Variants in DTNA observed in about 807,000 individuals in gnomAD.
DTNA encodes dystrophin-related protein 3.
DTNA carries 43 observed loss-of-function variants against 100.7 expected under a neutral mutation model. The ratio of observed to expected loss-of-function variants is 0.43; its 90% confidence interval spans 0.33 to 0.55. DTNA has a LOEUF of 0.55. Ranked by LOEUF, DTNA falls within the 20% of genes least tolerant of loss-of-function variation. DTNA has a pLI of 0.04. For synonymous variants in DTNA, 349 were observed against 347.9 expected (o/e 1.00, Z -0.04); for missense variants, 798 against 953.9 (o/e 0.84, Z 2.15).
At chr18:34,877,010 T>C (rs1024820978) in intron 18 of DTNA, among the ~76,000 whole-genome samples, 17 of 152,218 alleles carry the variant, frequency 1.1e-4, no homozygotes, top group African/African-American at 4.1e-4. Flanking sequence ...TGAAATTCCA[T>C]TAACCCTTAG....
intron 1 of DTNA, among the ~76,000 whole-genome samples, chr18:34,611,447 C>A (rs562748254): frequency 6.6e-6 from 1 of 152,264 alleles, no homozygotes; most frequent in East Asian, 1.9e-4. Context: ...CATATGAACT[C>A]ATTTCTTTCT....
chr18:34,677,085 C>T (rs1304975940), intron 1 of DTNA, among the ~76,000 whole-genome samples: 2 of 152,162 alleles, frequency 1.3e-5, no homozygotes, highest in Non-Finnish European at 2.9e-5. Context: ...AGGGATGGAT[C>T]TGCCTCCAGA....
At chr18:34,661,399 A>C (rs2075165512) in intron 1 of DTNA, among the ~76,000 whole-genome samples, 1 of 152,146 alleles carries the variant, frequency 6.6e-6, no homozygotes, top group Non-Finnish European at 1.5e-5. Flanking sequence ...TTAGAGTACA[A>C]GTTTTTAGAT....
Position 34,794,785 on chromosome 18 carries a change from A to G in DTNA, c.362+535A>G, listed in dbSNP as rs190901892. Among the ~76,000 whole-genome samples, 348 of 152,318 alleles carry G rather than the reference A, an allele frequency of 2.3e-3. 2 individuals are homozygous for G. The highest frequency in any genetic ancestry group is 8.0e-3 in the African/African-American group (331 of 41,586). Reference sequence around the variant, plus strand: ...AAGGGGATGCTGTCCACAGACCACAACTGAAGCTCAGCTTCATTTTTGTAT... The same window carrying G: ...AAGGGGATGCTGTCCACAGACCACAGCTGAAGCTCAGCTTCATTTTTGTAT... On this transcript the variant is annotated intron_variant, in intron 4 of 22. Transcript: ENST00000444659.
chr18:34,867,458 A>C, intron 17 of DTNA: 1 of 1,222,766 alleles, frequency 8.2e-7, no homozygotes, highest in Non-Finnish European at 1.0e-6. Context: ...ATGAATGCAT[A>C]CATGGGGTAT....
chr18:34,564,882 C>T (rs2046952082), intron 1 of DTNA, among the ~76,000 whole-genome samples: 1 of 152,112 alleles, frequency 6.6e-6, no homozygotes, highest in Admixed American at 6.5e-5. Flanking sequence ...CTGCTGTAGA[C>T]TTAAGATAAA....
chr18:34,752,660 T>C (rs776105408), intron 1 of DTNA, among the ~76,000 whole-genome samples: 4 of 152,258 alleles, frequency 2.6e-5, no homozygotes, highest in Non-Finnish European at 5.9e-5. Context: ...TTTTCTCTTA[T>C]ATTTATAATT....
intron 1 of DTNA, among the ~76,000 whole-genome samples, chr18:34,515,877 CATTAAA>C (rs1377625876): frequency 2.6e-5 from 4 of 152,092 alleles, no homozygotes; most frequent in African/African-American, 9.7e-5. Flanking sequence ...GCTTGTGGAA[CATTAAA>C]ACTGAAAGAA....
At chr18:34,866,254 T>TA in intron 17 of DTNA, 2 of 1,589,988 alleles carry the variant, frequency 1.3e-6, no homozygotes, top group Non-Finnish European at 1.7e-6. Flanking sequence ...AAAAAAGTCA[T>TA]ACTAATTTGC....
chr18:34,717,495 C>T (rs1380248712), intron 1 of DTNA, among the ~76,000 whole-genome samples: 1 of 152,124 alleles, frequency 6.6e-6, no homozygotes, highest in Non-Finnish European at 1.5e-5. Flanking sequence ...CCAAGATTTT[C>T]CAGAGAAGTG....
chr18:34,840,540 G>A (rs999016186), intron 13 of DTNA, among the ~76,000 whole-genome samples: 4 of 152,006 alleles, frequency 2.6e-5, no homozygotes, highest in Admixed American at 1.3e-4. Flanking sequence ...CTTAATTAAG[G>A]TTGTTAACAA....
intron 1 of DTNA, among the ~76,000 whole-genome samples, chr18:34,561,524 A>G (rs1244907511): frequency 1.3e-5 from 2 of 152,136 alleles, no homozygotes; most frequent in Non-Finnish European, 2.9e-5. Flanking sequence ...GAAAAAAAGT[A>G]GTGGCTTTCT....
chr18:34,573,714 A>C (rs1271569331), intron 1 of DTNA, among the ~76,000 whole-genome samples: 1 of 152,210 alleles, frequency 6.6e-6, no homozygotes, highest in African/African-American at 2.4e-5. Flanking sequence ...TGGTGAGAAC[A>C]CTTAAAATCT....
chr18:34,540,095 C>T (rs930244131), intron 1 of DTNA, among the ~76,000 whole-genome samples: 3 of 151,746 alleles, frequency 2.0e-5, no homozygotes, highest in South Asian at 2.1e-4. Flanking sequence ...TCTCTTTAAG[C>T]TTTTTATTTA....
At chr18:34,762,361 T>C (rs2093231406) in intron 2 of DTNA, among the ~76,000 whole-genome samples, 1 of 152,162 alleles carries the variant, frequency 6.6e-6, no homozygotes, top group Non-Finnish European at 1.5e-5. Context: ...GTCATGACCA[T>C]GTCTAAAGCC....
At chr18:34,776,846 T>C (rs7240718) in intron 3 of DTNA, among the ~76,000 whole-genome samples, 125,733 of 152,144 alleles carry the variant, frequency 0.83, 52,310 homozygotes, top group East Asian at 0.93. Flanking sequence ...CTCTCCTATC[T>C]GGTTACTCTG....
chr18:34,858,447 C>A (rs1168808356), intron 16 of DTNA, 49 bp downstream of exon 16: 1 of 1,588,672 alleles, frequency 6.3e-7, no homozygotes, highest in Middle Eastern at 1.7e-4. Context: ...TGTGTCAGAT[C>A]TTTGAGAAAG....
intron 11 of DTNA, among the ~76,000 whole-genome samples, chr18:34,833,228 G>C (rs1004700938): frequency 6.6e-6 from 1 of 152,030 alleles, no homozygotes; most frequent in Non-Finnish European, 1.5e-5. Flanking sequence ...ATATATTTCA[G>C]GTATCCAGGA....
At chr18:34,825,860 C>T (rs1197743557) in intron 9 of DTNA, among the ~76,000 whole-genome samples, 2 of 151,962 alleles carry the variant, frequency 1.3e-5, no homozygotes, top group Non-Finnish European at 2.9e-5. Flanking sequence ...TTTTTCAACT[C>T]TTTGCAAAGC....
Sources: gnomAD v4.1 joint callset for allele counts (sites outside exome capture counted in the v4.1 genomes callset) on GRCh38, gnomAD v4.1.1 for gene constraint, MANE v1.5 for transcripts, NCBI Gene and HGNC (gene_info 2026-07-23, HGNC 2026-07-21) for gene names.